KRTAP20-1: variants seen among roughly 807,000 people sequenced by gnomAD.
KRTAP20-1 encodes the protein keratin associated protein 20-1.
Under a neutral mutation model 6.9 loss-of-function variants are expected in KRTAP20-1, and 9 were observed. That is an observed-to-expected ratio of 1.31 (90% CI 0.79 to 2.29). KRTAP20-1 has a LOEUF of 2.29. Ranked by LOEUF, KRTAP20-1 falls within the 30% of genes most tolerant of loss-of-function variation. KRTAP20-1 has a pLI of 0.00. For synonymous variants in KRTAP20-1, 30 were observed against 25.6 expected, an observed-to-expected ratio of 1.17 and a Z score of -0.51; for missense variants, 69 against 67.8, an observed-to-expected ratio of 1.02 and a Z score of -0.06.
chr21:30,616,573 GCTA>G lies in KRTAP20-1; in HGVS notation c.125_127del (p.Tyr42del). On this transcript the variant is annotated inframe_deletion, in exon 1 of 1. Transcript: ENST00000334664. ...GGTGGCTATGGAGGCTATGGAAATG[GCTA>G]CTACTGCCCATCTTGCTATGGAAGA... 2.5e-6 allele frequency: 4 copies of G among 1,613,058 alleles called. No homozygotes were observed. The highest frequency in any genetic ancestry group is 3.4e-6 in the Non-Finnish European group (4 of 1,179,078).
At position 30,616,691 on chromosome 21, in the gene KRTAP20-1, T is replaced by C. The variant is rs1291972286; in HGVS notation, c.*66T>C. 4 of 1,408,570 alleles carry C rather than the reference T, an allele frequency of 2.8e-6. No individual in the cohort carries two copies. The highest frequency in any genetic ancestry group is 3.9e-6 in the Non-Finnish European group (4 of 1,032,418). 87.3% of individuals were successfully genotyped at this position (1,408,570 alleles called of 1,614,324 possible). On this transcript the variant is annotated 3_prime_UTR_variant, in exon 1 of 1. Transcript: ENST00000334664. Reference sequence around the variant, plus strand: ...TGGATTCTCATGCTGCTCTTGTTCATCTGATCCTGTGTCTTCAAAACAGCA... The same window carrying C: ...TGGATTCTCATGCTGCTCTTGTTCACCTGATCCTGTGTCTTCAAAACAGCA...
At position 30,616,555 on chromosome 21, in the gene KRTAP20-1, A is replaced by T. The variant is rs773897355; in HGVS notation, c.101A>T (p.Tyr34Phe). 1 of 1,610,280 alleles carries T rather than the reference A, an allele frequency of 6.2e-7. No homozygotes were observed. The highest frequency in any genetic ancestry group is 1.3e-5 in the African/African-American group (1 of 74,828). ...GGCTATGGATGTGGTTATGGTGGCTATGGAGGCTATGGAAATGGCTACTAC... is the reference window on the plus strand; with the variant it reads ...GGCTATGGATGTGGTTATGGTGGCTTTGGAGGCTATGGAAATGGCTACTAC... Reference protein sequence around the residue: ...YRGYGCGYGGYGGYGNGYYCP... With the variant: ...YRGYGCGYGGFGGYGNGYYCP... Residue 34 changes from tyrosine (Y) to phenylalanine (F), a missense_variant, in exon 1 of 1, where the codon TAT becomes TTT. Physicochemically the swap from Tyr to Phe is conservative, Grantham distance 22 (BLOSUM62 3). Coordinates refer to ENST00000334664, the MANE Select transcript of KRTAP20-1 (RefSeq NM_181615.2).
At position 30,616,591 on chromosome 21, in the gene KRTAP20-1, G is replaced by C. The variant is rs758430046; in HGVS notation, c.137G>C (p.Cys46Ser). The C allele has an allele frequency of 1.2e-6, 2 of 1,612,904 alleles. No individual in the cohort carries two copies. The highest frequency in any genetic ancestry group is 1.7e-6 in the Non-Finnish European group (2 of 1,179,096). Residue 46 changes from cysteine to serine, a missense_variant, in exon 1 of 1, where the codon TGC (cysteine) becomes TCC (serine). Physicochemically the swap from Cys to Ser is moderately radical, Grantham distance 112. Coordinates refer to ENST00000334664, the MANE Select transcript of KRTAP20-1 (RefSeq NM_181615.2). ...GGAAATGGCTACTACTGCCCATCTT[G>C]CTATGGAAGATATTGGTCATATGGT... ...GYGNGYYCPS[C>S]YGRYWSYGFY
chr21:30,616,533 T>C lies in KRTAP20-1; in HGVS notation c.79T>C (p.Tyr27His), dbSNP rs1490112130. 1.2e-6 allele frequency: 2 copies of C among 1,607,870 alleles called. No individual in the cohort carries two copies. The highest frequency in any genetic ancestry group is 1.7e-6 in the Non-Finnish European group (2 of 1,174,366). The change falls in exon 1 of 1, where the codon TAT (tyrosine) becomes CAT (histidine). Residue 27 changes from tyrosine (Y) to histidine (H), a missense_variant. Tyr to His is a moderately conservative substitution (Grantham distance 83). Coordinates refer to ENST00000334664, the MANE Select transcript of KRTAP20-1 (RefSeq NM_181615.2). Reference protein sequence around the residue: ...GCGYGCGYRGYGCGYGGYGGY... With the variant: ...GCGYGCGYRGHGCGYGGYGGY... ...TGGCTATGGCTGTGGTTATCGTGGC[T>C]ATGGATGTGGTTATGGTGGCTATGG... is the stretch of plus-strand genomic sequence containing the variant.
rs1390671408 is a variant in KRTAP20-1, at chr21:30,616,491, T to G, written c.37T>G (p.Tyr13Asp). The change falls in exon 1 of 1, where the codon TAT becomes GAT. Residue 13 changes from tyrosine (Y) to aspartate (D), a missense_variant. Transcript: ENST00000334664. ...CAGCAACTATTATGGTGGCTATGGG[T>G]ATGGTGGGCTTGGCTGTGGCTATGG... ...YYSNYYGGYGYGGLGCGYGCG... is the reference protein window; with the variant it reads ...YYSNYYGGYGDGGLGCGYGCG... 1 of 1,612,198 alleles carries G rather than the reference T, an allele frequency of 6.2e-7. No homozygotes were observed. Among genetic ancestry groups the G allele is most frequent in the Non-Finnish European group, 8.5e-7 (1 of 1,178,690 alleles).
In KRTAP20-1 at chr21:30,616,582, G is replaced by T; in HGVS notation, c.128G>T (p.Cys43Phe). 1.2e-6 allele frequency: 2 copies of T among 1,612,848 alleles called. No individual in the cohort carries two copies. Among genetic ancestry groups the T allele is most frequent in the Non-Finnish European group, 1.7e-6 (2 of 1,179,044 alleles). Residue 43 changes from cysteine to phenylalanine, a missense_variant, in exon 1 of 1, where the codon TGC becomes TTC. Physicochemically the swap from Cys to Phe is radical, Grantham distance 205 (BLOSUM62 -2). Transcript: ENST00000334664. ...GYGGYGNGYY[C>F]PSCYGRYWSY... Reference sequence around the variant, plus strand: ...GGAGGCTATGGAAATGGCTACTACTGCCCATCTTGCTATGGAAGATATTGG... The same window carrying T: ...GGAGGCTATGGAAATGGCTACTACTTCCCATCTTGCTATGGAAGATATTGG...
In KRTAP20-1 at chr21:30,616,600, G is replaced by T; in HGVS notation, c.146G>T (p.Arg49Ile). ...NGYYCPSCYG[R>I]YWSYGFY ...TACTACTGCCCATCTTGCTATGGAA[G>T]ATATTGGTCATATGGTTTCTACTGA... The change falls in exon 1 of 1, where the codon AGA (arginine) becomes ATA (isoleucine). Residue 49 changes from arginine (R) to isoleucine (I), a missense_variant. By Grantham distance (97) the Arg-to-Ile change is moderately conservative. Transcript: ENST00000334664. The T allele has an allele frequency of 6.2e-7, 1 of 1,612,880 alleles. No individual in the cohort carries two copies. The highest frequency in any genetic ancestry group is 2.2e-5 in the East Asian group (1 of 44,860).
In KRTAP20-1 at chr21:30,616,603, A is replaced by G. The variant is rs1383538494; in HGVS notation, c.149A>G (p.Tyr50Cys). 6.2e-7 allele frequency: 1 copy of G among 1,612,896 alleles called. No homozygotes were observed. Among genetic ancestry groups the G allele is most frequent in the Non-Finnish European group, 8.5e-7 (1 of 1,179,098 alleles). The change falls in exon 1 of 1, where the codon TAT (tyrosine) becomes TGT (cysteine). Residue 50 changes from tyrosine (Y) to cysteine (C), a missense_variant. Transcript: ENST00000334664. ...TACTGCCCATCTTGCTATGGAAGAT[A>G]TTGGTCATATGGTTTCTACTGAACA... is the stretch of plus-strand genomic sequence containing the variant. ...GYYCPSCYGR[Y>C]WSYGFY
rs185966658 is a variant in KRTAP20-1, at chr21:30,616,434, G to C, written c.-21G>C. The C allele has an allele frequency of 6.2e-7, 1 of 1,600,944 alleles. No individual in the cohort carries two copies. The highest frequency in any genetic ancestry group is 8.5e-7 in the Non-Finnish European group (1 of 1,171,318). ...TTCAAGAACATCCTCTTCTACACCTGAACCATCCATTTCTGACACCATGAT... is the reference window on the plus strand; with the variant it reads ...TTCAAGAACATCCTCTTCTACACCTCAACCATCCATTTCTGACACCATGAT... On this transcript the variant is annotated 5_prime_UTR_variant, in exon 1 of 1. Coordinates refer to ENST00000334664, the MANE Select transcript of KRTAP20-1 (RefSeq NM_181615.2).
Position 30,616,637 on chromosome 21 carries a change from G to A in KRTAP20-1, c.*12G>A. 2 of 1,591,082 alleles carry A rather than the reference G, an allele frequency of 1.3e-6. No individual in the cohort carries two copies. Among genetic ancestry groups the A allele is most frequent in the Non-Finnish European group, 8.6e-7 (1 of 1,164,562 alleles). On this transcript the variant is annotated 3_prime_UTR_variant, in exon 1 of 1. Transcript: ENST00000334664. ...ATGGTTTCTACTGAACAATTCTAGA[G>A]CTCACCAGATTTGTCTGCTTGTGAA...
chr21:30,616,614 G>A lies in KRTAP20-1; in HGVS notation c.160G>A (p.Gly54Ser), dbSNP rs377683936. The change falls in exon 1 of 1, where the codon GGT (glycine) becomes AGT (serine). Residue 54 changes from glycine to serine, a missense_variant. Coordinates refer to ENST00000334664, the MANE Select transcript of KRTAP20-1 (RefSeq NM_181615.2). Reference sequence around the variant, plus strand: ...TTGCTATGGAAGATATTGGTCATATGGTTTCTACTGAACAATTCTAGAGCT... The same window carrying A: ...TTGCTATGGAAGATATTGGTCATATAGTTTCTACTGAACAATTCTAGAGCT... ...PSCYGRYWSY[G>S]FY 1.7e-5 allele frequency: 28 copies of A among 1,610,838 alleles called. No homozygotes were observed. Among genetic ancestry groups the A allele is most frequent in the Admixed American group, 5.0e-5 (3 of 59,892 alleles).
rs535263462 is a variant in KRTAP20-1 at position 30,616,431 on chromosome 21, C to A, written c.-24C>A. 15 of 1,598,214 alleles carry A rather than the reference C, an allele frequency of 9.4e-6. No individual in the cohort carries two copies. The East Asian group carries it at 2.9e-4, about 31-fold the overall frequency. On this transcript the variant is annotated 5_prime_UTR_variant, in exon 1 of 1. Coordinates refer to ENST00000334664, the MANE Select transcript of KRTAP20-1 (RefSeq NM_181615.2). ...AAATTCAAGAACATCCTCTTCTACA[C>A]CTGAACCATCCATTTCTGACACCAT...
chr21:30,616,610 A>T lies in KRTAP20-1; in HGVS notation c.156A>T (p.Ser52=). 6.2e-7 allele frequency: 1 copy of T among 1,612,352 alleles called. No homozygotes were observed. The highest frequency in any genetic ancestry group is 8.5e-7 in the Non-Finnish European group (1 of 1,178,734). Residue 52 remains serine (S), a synonymous_variant, in exon 1 of 1, where the codon TCA becomes TCT. Transcript: ENST00000334664. The part of the protein sequence containing the change: ...YCPSCYGRYW[S]YGFY ...CATCTTGCTATGGAAGATATTGGTC[A>T]TATGGTTTCTACTGAACAATTCTAG... is the stretch of plus-strand genomic sequence containing the variant.
Position 30,616,682 on chromosome 21 carries a change from T to A in KRTAP20-1, c.*57T>A. ...TGTGAAACCTGGATTCTCATGCTGC[T>A]CTTGTTCATCTGATCCTGTGTCTTC... On this transcript the variant is annotated 3_prime_UTR_variant, in exon 1 of 1. Coordinates refer to ENST00000334664, the MANE Select transcript of KRTAP20-1 (RefSeq NM_181615.2). 2.8e-6 allele frequency: 4 copies of A among 1,453,748 alleles called. No homozygotes were observed. Among genetic ancestry groups the A allele is most frequent in the Non-Finnish European group, 3.8e-6 (4 of 1,066,332 alleles). 90.1% of individuals were successfully genotyped at this position (1,453,748 alleles called of 1,614,324 possible). A position where few individuals can be genotyped will look rare whatever the true frequency, so the allele number is the denominator to read the frequency against.
rs1328016404 is a variant in KRTAP20-1 at position 30,616,663 on chromosome 21, A to T, written c.*38A>T. On this transcript the variant is annotated 3_prime_UTR_variant, in exon 1 of 1. Transcript: ENST00000334664. ...CTCACCAGATTTGTCTGCTTGTGAA[A>T]CCTGGATTCTCATGCTGCTCTTGTT... 1 of 1,536,622 alleles carries T rather than the reference A, an allele frequency of 6.5e-7. No homozygotes were observed. The highest frequency in any genetic ancestry group is 8.9e-7 in the Non-Finnish European group (1 of 1,129,942).
In KRTAP20-1 at chr21:30,616,451, C is replaced by A; in HGVS notation, c.-4C>A. Reference sequence around the variant, plus strand: ...CTACACCTGAACCATCCATTTCTGACACCATGATTTACTACAGCAACTATT... The same window carrying A: ...CTACACCTGAACCATCCATTTCTGAAACCATGATTTACTACAGCAACTATT... On this transcript the variant is annotated 5_prime_UTR_variant, in exon 1 of 1. Transcript: ENST00000334664. 6.2e-7 allele frequency: 1 copy of A among 1,607,132 alleles called. No homozygotes were observed. The highest frequency in any genetic ancestry group is 8.5e-7 in the Non-Finnish European group (1 of 1,175,380).
Position 30,616,538 on chromosome 21 carries a change from A to T in KRTAP20-1, c.84A>T (p.Gly28=). ...CGYGCGYRGY[G]CGYGGYGGYG... is the part of the protein sequence containing the mutation. The stretch of plus-strand genomic sequence containing the variant: ...ATGGCTGTGGTTATCGTGGCTATGG[A>T]TGTGGTTATGGTGGCTATGGAGGCT... The change falls in exon 1 of 1, where the codon GGA becomes GGT. Residue 28 remains glycine (G), a synonymous_variant. Coordinates refer to ENST00000334664, the MANE Select transcript of KRTAP20-1 (RefSeq NM_181615.2). 1 of 1,607,218 alleles carries T rather than the reference A, an allele frequency of 6.2e-7. No homozygotes were observed. Among genetic ancestry groups the T allele is most frequent in the Non-Finnish European group, 8.5e-7 (1 of 1,173,960 alleles).
In KRTAP20-1 at chr21:30,616,675, A is replaced by T; in HGVS notation, c.*50A>T. On this transcript the variant is annotated 3_prime_UTR_variant, in exon 1 of 1. Transcript: ENST00000334664. ...GTCTGCTTGTGAAACCTGGATTCTC[A>T]TGCTGCTCTTGTTCATCTGATCCTG... is the stretch of plus-strand genomic sequence containing the variant. 1 of 1,508,234 alleles carries T rather than the reference A, an allele frequency of 6.6e-7. No individual in the cohort carries two copies. The highest frequency in any genetic ancestry group is 9.0e-7 in the Non-Finnish European group (1 of 1,109,648). The allele number at this position is 1,508,234 out of a possible 1,614,324, so 93.4% of individuals were successfully genotyped here. A position where few individuals can be genotyped will look rare whatever the true frequency, so the allele number is the denominator to read the frequency against.
Position 30,616,676 on chromosome 21 carries a change from T to G in KRTAP20-1, c.*51T>G, listed in dbSNP as rs1980709115. The G allele has an allele frequency of 6.7e-7, 1 of 1,501,182 alleles. No homozygotes were observed. Among genetic ancestry groups the G allele is most frequent in the African/African-American group, 1.4e-5 (1 of 73,012 alleles). 93.0% of individuals were successfully genotyped at this position (1,501,182 alleles called of 1,614,324 possible). A position where few individuals can be genotyped will look rare whatever the true frequency, so the allele number is the denominator to read the frequency against. ...TCTGCTTGTGAAACCTGGATTCTCA[T>G]GCTGCTCTTGTTCATCTGATCCTGT... is the stretch of plus-strand genomic sequence containing the variant. On this transcript the variant is annotated 3_prime_UTR_variant, in exon 1 of 1. Transcript: ENST00000334664.
Sources: gnomAD v4.1 joint callset for allele counts on GRCh38, gnomAD v4.1.1 for gene constraint, MANE v1.5 for transcripts, NCBI Gene and HGNC (gene_info 2026-07-23, HGNC 2026-07-21) for gene names.